The following ULK4 variants were observed in gnomAD, a reference collection of about 807,000 sequenced individuals.
The protein encoded by ULK4 is inactive serine/threonine-protein kinase ULK4.
A neutral mutation model predicts 160.6 loss-of-function variants in ULK4; 133 were observed. The ratio of observed to expected loss-of-function variants is 0.83; its 90% confidence interval spans 0.72 to 0.96. The LOEUF (loss-of-function observed/expected upper bound fraction) is 0.96, where lower values mean the gene tolerates loss of function less well. Among genes scored for constraint, ULK4 ranks in the 40% least tolerant of loss-of-function variants. The pLI is 0.00. For synonymous variants in ULK4, 534 were observed against 539.8 expected (o/e 0.99, Z 0.15); for missense variants, 1,580 against 1,499.5 (o/e 1.05, Z -0.89).
intron 35 of ULK4, among the ~76,000 whole-genome samples, chr3:41,253,374 G>A (rs1436519919): frequency 6.6e-6 from 1 of 151,874 alleles, no homozygotes; most frequent in Admixed American, 6.6e-5. Context: ...TAATAAGATG[G>A]GGGAGAGCAA....
chr3:41,378,626 C>G (rs1396156177), intron 35 of ULK4, among the ~76,000 whole-genome samples: 1 of 149,904 alleles, frequency 6.7e-6, no homozygotes, highest in South Asian at 2.1e-4. Context: ...ATACCGGGGC[C>G]TGTCATGGGG....
intron 30 of ULK4, among the ~76,000 whole-genome samples, chr3:41,620,229 C>T (rs57235078): frequency 0.061 from 9,326 of 152,068 alleles, 968 homozygotes; most frequent in African/African-American, 0.21. Flanking sequence ...TTTCAAACAA[C>T]AGAAAAAGGA....
intron 35 of ULK4, among the ~76,000 whole-genome samples, chr3:41,389,614 C>A (rs1057263299): frequency 6.6e-6 from 1 of 152,160 alleles, no homozygotes; most frequent in Non-Finnish European, 1.5e-5. Flanking sequence ...GCCTTTTCTG[C>A]ATCTATTGAG....
At chr3:41,318,043 A>G (rs4973937) in intron 35 of ULK4, among the ~76,000 whole-genome samples, 26,884 of 152,088 alleles carry the variant, frequency 0.18, 3,038 homozygotes, top group African/African-American at 0.32. Context: ...GTTGTCCCAG[A>G]GGTTAAGGTA....
At chr3:41,924,176 T>C (rs1284167691) in intron 5 of ULK4, among the ~76,000 whole-genome samples, 1 of 152,192 alleles carries the variant, frequency 6.6e-6, no homozygotes, top group Non-Finnish European at 1.5e-5. Flanking sequence ...CACTGACCAA[T>C]CATCAACCCC....
intron 32 of ULK4, among the ~76,000 whole-genome samples, chr3:41,529,287 C>T (rs923356874): frequency 3.9e-5 from 6 of 152,110 alleles, no homozygotes; most frequent in Non-Finnish European, 8.8e-5. Context: ...AGCAAAACTC[C>T]TAAATTAAAC....
At chr3:41,922,967 T>G (rs544672089) in intron 5 of ULK4, among the ~76,000 whole-genome samples, 99 of 151,138 alleles carry the variant, frequency 6.6e-4, no homozygotes, top group African/African-American at 2.3e-3. Flanking sequence ...AGGTCAGGAG[T>G]TCGAGACTAG....
At chr3:41,353,558 C>T (rs2080956516) in intron 35 of ULK4, among the ~76,000 whole-genome samples, 1 of 151,922 alleles carries the variant, frequency 6.6e-6, no homozygotes, top group Non-Finnish European at 1.5e-5. Flanking sequence ...GTCCTAGCTC[C>T]TCAGTAGGAT....
At chr3:41,530,135 T>A (rs941147170) in intron 32 of ULK4, among the ~76,000 whole-genome samples, 1 of 152,232 alleles carries the variant, frequency 6.6e-6, no homozygotes, top group Admixed American at 6.5e-5. Flanking sequence ...ATGTGAAGTA[T>A]ATCTCAATAA....
At chr3:41,470,650 CA>C (rs2083967889) in intron 32 of ULK4, among the ~76,000 whole-genome samples, 1 of 152,086 alleles carries the variant, frequency 6.6e-6, no homozygotes, top group African/African-American at 2.4e-5. Flanking sequence ...ATAATGACTA[CA>C]GCTAAAATAA....
At chr3:41,511,450 G>A (rs2125924398) in intron 32 of ULK4, among the ~76,000 whole-genome samples, 1 of 152,098 alleles carries the variant, frequency 6.6e-6, no homozygotes. Flanking sequence ...GAAATGAAAT[G>A]GGATATATTA....
chr3:41,323,099 G>C (rs1280836233), intron 35 of ULK4, among the ~76,000 whole-genome samples: 1 of 151,938 alleles, frequency 6.6e-6, no homozygotes, highest in African/African-American at 2.4e-5. Flanking sequence ...CACCATGCCC[G>C]GCTAATTTTG....
At chr3:41,531,054 G>A (rs1178370316) in intron 32 of ULK4, among the ~76,000 whole-genome samples, 15 of 150,776 alleles carry the variant, frequency 9.9e-5, no homozygotes, top group African/African-American at 7.3e-5. Context: ...GAGCCACCGC[G>A]CCCGGCCCAA....
At chr3:41,484,470 T>TTTTTTTTTTTTTTTG in intron 32 of ULK4, among the ~76,000 whole-genome samples, 1 of 148,398 alleles carries the variant, frequency 6.7e-6, no homozygotes, top group Admixed American at 6.7e-5. Flanking sequence ...TTTTTTGTTT[T>TTTTTTTTTTTTTTTG]GAGATGGAGT....
chr3:41,269,843 A>T (rs1351673178), intron 35 of ULK4, among the ~76,000 whole-genome samples: 4 of 152,194 alleles, frequency 2.6e-5, no homozygotes, highest in Admixed American at 2.6e-4. Context: ...CTAATTAAAG[A>T]GATGCTGGGG....
chr3:41,465,021 C>T (rs1029780763), intron 32 of ULK4, among the ~76,000 whole-genome samples: 7 of 152,196 alleles, frequency 4.6e-5, no homozygotes, highest in South Asian at 2.1e-4. Flanking sequence ...TGATTTTACA[C>T]ACTGAAGTCA....
chr3:41,298,411 C>T (rs2079715100), intron 35 of ULK4, among the ~76,000 whole-genome samples: 1 of 152,218 alleles, frequency 6.6e-6, no homozygotes, highest in Non-Finnish European at 1.5e-5. Flanking sequence ...AACTTCAACA[C>T]TGTTCCATTA....
intron 35 of ULK4, among the ~76,000 whole-genome samples, chr3:41,391,828 T>C (rs1158381635): frequency 6.6e-6 from 1 of 152,092 alleles, no homozygotes; most frequent in Non-Finnish European, 1.5e-5. Flanking sequence ...TTGTAACATA[T>C]CCTTAATGCT....
In ULK4 at chr3:41,852,695, T is replaced by C. The variant is rs1036708248; in HGVS notation, c.1657-16724A>G. On this transcript the variant is annotated intron_variant, in intron 17 of 36. Transcript: ENST00000301831. ...AACAACAGAGAGAATCAGAATACTT[T>C]AACCCCAGGTGGATGGGGGGAGATG... 1.8e-3 allele frequency among the ~76,000 whole-genome samples: 281 copies of C among 152,194 alleles called. 4 individuals carry two copies. The highest frequency in any genetic ancestry group is 3.8e-4 in the Non-Finnish European group (26 of 68,004).
Sources: allele counts gnomAD v4.1 joint callset (sites outside exome capture counted in the v4.1 genomes callset), GRCh38; gene constraint gnomAD v4.1.1; transcripts MANE v1.5; gene names NCBI Gene and HGNC (gene_info 2026-07-23, HGNC 2026-07-21).